The following DNAH14 variants were observed in gnomAD, a reference collection of about 807,000 sequenced individuals.
The protein encoded by DNAH14 is dynein axonemal heavy chain 14.
DNAH14 carries 478 observed loss-of-function variants against 520.9 expected under a neutral mutation model. The ratio of observed to expected loss-of-function variants is 0.92; its 90% CI spans 0.85 to 0.99. The LOEUF is 0.99. Ranked by LOEUF, DNAH14 falls within the 50% of genes least tolerant of loss-of-function variation. The pLI, the probability that DNAH14 is intolerant of heterozygous loss-of-function variation, is 0.00. For synonymous variants in DNAH14, 1,581 were observed against 1,757.2 expected (o/e 0.90, Z 2.51); for missense variants, 4,831 against 5,234.5 (o/e 0.92, Z 2.38).
In DNAH14 at chr1:224,954,975, G is replaced by T; in HGVS notation, c.94G>T (p.Glu32Ter). 1 of 1,593,760 alleles carries T rather than the reference G, an allele frequency of 6.3e-7. No homozygotes were observed. The highest frequency in any genetic ancestry group is 8.6e-7 in the Non-Finnish European group (1 of 1,168,886). ...KTKPRLLRYEEKKYEDVKPLE... is the reference protein window; with the variant it reads ...KTKPRLLRYE Reference sequence around the variant, plus strand: ...GTCATTTAGACTTTTAAGATATGAAGAGAAAAAATATGAAGATGTGAAACC... The same window carrying T: ...GTCATTTAGACTTTTAAGATATGAATAGAAAAAATATGAAGATGTGAAACC... The change falls in exon 3 of 86, where the codon GAG becomes TAG. Residue 32 changes from glutamate (E) to a stop codon, truncating the protein, a stop_gained. Transcript: ENST00000682510. LOFTEE classifies it high-confidence loss of function.
At chr1:225,180,777 G>T (rs1425186583) in intron 36 of DNAH14, among the ~76,000 whole-genome samples, 6 of 152,146 alleles carry the variant, frequency 3.9e-5, no homozygotes, top group African/African-American at 1.4e-4. Flanking sequence ...TGAGCTCACT[G>T]GTTGTTCTGA....
At chr1:225,322,501 A>T (rs997319569) in intron 61 of DNAH14, among the ~76,000 whole-genome samples, 163 bp from the exon 62 acceptor site, 1 of 152,138 alleles carries the variant, frequency 6.6e-6, no homozygotes. Context: ...AAGATACCCA[A>T]TTTTTAAAAG....
intron 8 of DNAH14, among the ~76,000 whole-genome samples, chr1:224,982,929 G>C (rs1385811279): frequency 6.6e-6 from 1 of 152,182 alleles, no homozygotes; most frequent in Non-Finnish European, 1.5e-5. Context: ...GTGTTCTGCA[G>C]TTGTTGAATG....
intron 17 of DNAH14, among the ~76,000 whole-genome samples, chr1:225,077,566 G>A (rs1295386944): frequency 6.6e-6 from 1 of 152,106 alleles, no homozygotes; most frequent in Non-Finnish European, 1.5e-5. Context: ...CTACTGACAC[G>A]ATCATTCTTG....
chr1:225,123,733 T>C (rs547786440), intron 27 of DNAH14, 119 bp downstream of exon 27: 29 of 198,506 alleles, frequency 1.5e-4, no homozygotes, highest in East Asian at 8.9e-4. Flanking sequence ...TGATTTTTTT[T>C]CCCCTAGGGC....
At chr1:224,957,248 AGTG>A (rs1416819087) in intron 3 of DNAH14, among the ~76,000 whole-genome samples, 1 of 152,072 alleles carries the variant, frequency 6.6e-6, no homozygotes, top group African/African-American at 2.4e-5. Context: ...AATAATGAAT[AGTG>A]GTCCCATTCA....
intron 28 of DNAH14, among the ~76,000 whole-genome samples, chr1:225,142,275 GTT>G (rs2149032822): frequency 6.6e-6 from 1 of 152,278 alleles, no homozygotes; most frequent in Non-Finnish European, 1.5e-5. Context: ...GTGTCTATGA[GTT>G]TAGGGCTATA....
chr1:225,012,227 A>G (rs946648394), intron 10 of DNAH14, among the ~76,000 whole-genome samples: 7 of 152,102 alleles, frequency 4.6e-5, no homozygotes, highest in Non-Finnish European at 1.5e-5. Context: ...TTTGGCTGGA[A>G]ATGAAATTCT....
At chr1:224,965,056 A>G (rs1272810285) in intron 5 of DNAH14, among the ~76,000 whole-genome samples, 1 of 151,806 alleles carries the variant, frequency 6.6e-6, no homozygotes, top group Non-Finnish European at 1.5e-5. Flanking sequence ...TATGCTATTC[A>G]TTTTTTTCTT....
chr1:225,204,327 C>G (rs1020389057), intron 39 of DNAH14, 54 bp downstream of exon 39: 7 of 984,640 alleles, frequency 7.1e-6, no homozygotes, highest in African/African-American at 3.5e-5. Flanking sequence ...AAACTCTCAA[C>G]CAATATGAGC....
At chr1:225,181,979 T>C (rs35150136) in intron 36 of DNAH14, among the ~76,000 whole-genome samples, 19,452 of 152,068 alleles carry the variant, frequency 0.13, 1,398 homozygotes, top group East Asian at 0.31. Context: ...TTGAGGTCAG[T>C]AGTTTGAGAC....
At chr1:225,098,409 C>T (rs1447209092) in intron 22 of DNAH14, among the ~76,000 whole-genome samples, 2 of 152,148 alleles carry the variant, frequency 1.3e-5, no homozygotes, top group Non-Finnish European at 1.5e-5. Context: ...GCAAATCATA[C>T]AAGCTAGTTT....
In DNAH14 at chr1:225,380,087, C is replaced by A. The variant is rs2095760958; in HGVS notation, c.12717-72C>A. 3.4e-6 allele frequency: 5 copies of A among 1,454,770 alleles called. No homozygotes were observed. The South Asian group carries it at 4.2e-5, about 12-fold the overall frequency. 90.1% of individuals were successfully genotyped at this position (1,454,770 alleles called of 1,614,324 possible). A position where few individuals can be genotyped will look rare whatever the true frequency, so the allele number is the denominator to read the frequency against. ...CTCCTGTCTACCAGTAATCTTGAAT[C>A]CTTTAACAAATCTCTCCCCATCTCC... On this transcript the variant is annotated intron_variant, in intron 79 of 85. Coordinates refer to ENST00000682510, the MANE Select transcript of DNAH14 (RefSeq NM_001367479.1).
chr1:225,015,640 A>T (rs528580338), intron 10 of DNAH14, among the ~76,000 whole-genome samples: 1 of 152,368 alleles, frequency 6.6e-6, no homozygotes, highest in Admixed American at 6.5e-5. Flanking sequence ...AGGGTAAACA[A>T]CGTTTACCCC....
At chr1:225,282,280 T>G (rs1012395273) in intron 54 of DNAH14, among the ~76,000 whole-genome samples, 1 of 152,116 alleles carries the variant, frequency 6.6e-6, no homozygotes, top group African/African-American at 2.4e-5. Flanking sequence ...AGCTATGAAG[T>G]TTTGGGCCTG....
chr1:225,049,561 G>GT (rs953216748), intron 15 of DNAH14, among the ~76,000 whole-genome samples: 1 of 151,952 alleles, frequency 6.6e-6, no homozygotes, highest in African/African-American at 2.4e-5. Flanking sequence ...CAGCTCATCA[G>GT]TTTTTTTCTT....
At position 225,276,851 on chromosome 1, in the gene DNAH14, G is replaced by T. The variant is rs2093479706; in HGVS notation, c.8179-559G>T. On this transcript the variant is annotated intron_variant, in intron 53 of 85. Transcript: ENST00000682510. The stretch of plus-strand genomic sequence containing the variant: ...CAAGAGGATTGCTTGAGCCCAGGAG[G>T]TCGAGGCTGCAGTGAGCCGTGATTG... 2.7e-5 allele frequency among the ~76,000 whole-genome samples: 4 copies of T among 150,506 alleles called. No homozygotes were observed. In the Admixed American group the frequency reaches 2.7e-4, roughly 10 times the overall value.
At chr1:225,098,202 G>GAA (rs549695780) in intron 22 of DNAH14, among the ~76,000 whole-genome samples, 7 of 141,856 alleles carry the variant, frequency 4.9e-5, no homozygotes, top group Non-Finnish European at 7.8e-5. Flanking sequence ...ACTGTTTCAA[G>GAA]AAAAAAAAAA....
chr1:225,131,890 A>G (rs950518403), intron 27 of DNAH14, among the ~76,000 whole-genome samples: 7 of 152,138 alleles, frequency 4.6e-5, no homozygotes, highest in African/African-American at 1.7e-4. Context: ...ACAAGGAAAG[A>G]CTCCAAGAAA....
Sources: gnomAD v4.1 joint callset for allele counts (sites outside exome capture counted in the v4.1 genomes callset) on GRCh38, gnomAD v4.1.1 for gene constraint, MANE v1.5 for transcripts, NCBI Gene and HGNC (gene_info 2026-07-23, HGNC 2026-07-21) for gene names.